FOXP1: variants seen among roughly 807,000 people sequenced by gnomAD.
FOXP1 encodes forkhead box P1, also known as forkhead box protein P1.
In FOXP1, 15 loss-of-function variants were observed where a neutral mutation model predicts 98.2. The observed-to-expected ratio is 0.15, with a 90% CI of 0.10 to 0.24. The LOEUF is 0.24. FOXP1 is among the 10% of genes least tolerant of loss of function. The pLI is 1.00. For synonymous variants in FOXP1, 371 were observed against 314.5 expected (o/e 1.18, Z -1.90); for missense variants, 633 against 848.5 (o/e 0.75, Z 3.15).
intron 3 of FOXP1, among the ~76,000 whole-genome samples, chr3:71,455,786 G>C (rs189947909): frequency 1.3e-5 from 2 of 152,314 alleles, no homozygotes; most frequent in Non-Finnish European, 2.9e-5. Context: ...AGAAAGAAAA[G>C]AGCTATTAGT....
intron 12 of FOXP1, among the ~76,000 whole-genome samples, chr3:71,006,895 A>T (rs567817620): frequency 6.6e-6 from 1 of 152,280 alleles, no homozygotes; most frequent in East Asian, 1.9e-4. Context: ...TGTTTGTTGA[A>T]AAAAAATGCG....
At chr3:71,552,400 C>T (rs2045846798) in intron 2 of FOXP1, among the ~76,000 whole-genome samples, 1 of 151,618 alleles carries the variant, frequency 6.6e-6, no homozygotes, top group Admixed American at 6.6e-5. Flanking sequence ...AGACACATAA[C>T]TACAAAATTT....
At chr3:71,398,784 C>G (rs565917056) in intron 3 of FOXP1, among the ~76,000 whole-genome samples, 2 of 152,134 alleles carry the variant, frequency 1.3e-5, no homozygotes, top group African/African-American at 4.8e-5. Flanking sequence ...ATGGTGGTGA[C>G]AAACAATTGT....
chr3:71,062,372 T>G (rs1255644403), intron 7 of FOXP1, among the ~76,000 whole-genome samples: 1 of 152,174 alleles, frequency 6.6e-6, no homozygotes, highest in Non-Finnish European at 1.5e-5. Flanking sequence ...CCTGGAAAAA[T>G]ATGAGTTAAT....
Position 71,460,229 on chromosome 3 carries a change from C to CTTTG in FOXP1, c.-168+33193_-168+33196dup, listed in dbSNP as rs10555493. On this transcript the variant is annotated intron_variant, in intron 3 of 20. Coordinates refer to ENST00000649528, the MANE Select transcript of FOXP1 (RefSeq NM_001349338.3). ...TTTAGCTGGTCTAGAGGAGTAAAGG[C>CTTTG]TTTGTTTGTTTGTTTGTTTGTTTGT... 1.6e-3 allele frequency among the ~76,000 whole-genome samples: 245 copies of CTTTG among 150,506 alleles called. 1 individual carries two copies. Among genetic ancestry groups the CTTTG allele is most frequent in the Admixed American group, 8.5e-3 (128 of 15,068 alleles).
intron 2 of FOXP1, among the ~76,000 whole-genome samples, chr3:71,527,258 G>A (rs2043464753): frequency 6.6e-6 from 1 of 152,176 alleles, no homozygotes; most frequent in Non-Finnish European, 1.5e-5. Context: ...AGAGCAAGGA[G>A]CAGCAAAGAA....
chr3:71,135,223 C>T (rs2059762929), intron 6 of FOXP1, among the ~76,000 whole-genome samples: 1 of 136,518 alleles, frequency 7.3e-6, no homozygotes, highest in South Asian at 2.3e-4. Flanking sequence ...CGCACCACTG[C>T]ACTTCAGCCC....
chr3:71,569,706 C>A (rs912652827), intron 2 of FOXP1, among the ~76,000 whole-genome samples: 1 of 151,944 alleles, frequency 6.6e-6, no homozygotes, highest in African/African-American at 2.4e-5. Flanking sequence ...TCTACATTCA[C>A]AAGTGTATGT....
At chr3:71,217,754 A>G (rs1057019081) in intron 5 of FOXP1, among the ~76,000 whole-genome samples, 1 of 152,150 alleles carries the variant, frequency 6.6e-6, no homozygotes, top group African/African-American at 2.4e-5. Flanking sequence ...GAAATCTGAT[A>G]GAAGTACTCA....
chr3:71,444,447 C>G (rs181296032), intron 3 of FOXP1, among the ~76,000 whole-genome samples: 2 of 151,448 alleles, frequency 1.3e-5, no homozygotes, highest in Non-Finnish European at 2.9e-5. Context: ...GCATCCTGAA[C>G]AAGCATCACC....
chr3:71,040,521 C>T (rs1245015122), intron 11 of FOXP1: 2 of 152,176 alleles, frequency 1.3e-5, no homozygotes, highest in African/African-American at 2.4e-5. Context: ...CTTCTGGGTA[C>T]TAAGAATACC....
intron 4 of FOXP1, among the ~76,000 whole-genome samples, chr3:71,349,858 C>T (rs573003496): frequency 6.6e-6 from 1 of 152,284 alleles, no homozygotes; most frequent in African/African-American, 2.4e-5. Flanking sequence ...CCTAACCCTT[C>T]AGGAGGTACT....
chr3:71,543,570 C>G (rs1056119086), intron 2 of FOXP1: 1 of 152,344 alleles, frequency 6.6e-6, no homozygotes, highest in Non-Finnish European at 1.5e-5. Flanking sequence ...GTGGTAACAC[C>G]CTCAAGCAGC....
intron 5 of FOXP1, among the ~76,000 whole-genome samples, chr3:71,211,853 T>C (rs1415782551): frequency 3.3e-5 from 5 of 152,200 alleles, no homozygotes; most frequent in African/African-American, 1.2e-4. Flanking sequence ...CATCCACATC[T>C]ACCATATTGT....
chr3:71,391,497 G>A (rs550431058), intron 3 of FOXP1, among the ~76,000 whole-genome samples: 5 of 152,284 alleles, frequency 3.3e-5, no homozygotes, highest in African/African-American at 1.2e-4. Flanking sequence ...TTGTCTGGTC[G>A]CTGGTGAAAA....
chr3:71,088,148 C>CA (rs2055345226), intron 7 of FOXP1, among the ~76,000 whole-genome samples: 1 of 152,160 alleles, frequency 6.6e-6, no homozygotes, highest in Non-Finnish European at 1.5e-5. Flanking sequence ...AAAGAGCAAC[C>CA]AAGCTTGTTT....
chr3:71,316,035 G>T (rs1252104301), intron 4 of FOXP1, among the ~76,000 whole-genome samples: 1 of 152,162 alleles, frequency 6.6e-6, no homozygotes, highest in Non-Finnish European at 1.5e-5. Flanking sequence ...GAAGTGGAGA[G>T]ATCATTTCAT....
At chr3:71,172,101 T>G (rs1331019817) in intron 6 of FOXP1, among the ~76,000 whole-genome samples, 1 of 152,186 alleles carries the variant, frequency 6.6e-6, no homozygotes, top group East Asian at 1.9e-4. Context: ...TAGCCTCCTT[T>G]GCTTAATCAT....
At chr3:71,004,486 T>C (rs985723697) in intron 12 of FOXP1, among the ~76,000 whole-genome samples, 1 of 152,222 alleles carries the variant, frequency 6.6e-6, no homozygotes, top group Admixed American at 6.5e-5. Flanking sequence ...TAAGAATTAT[T>C]AGCTGAATAG....
Sources: gnomAD v4.1 joint callset for allele counts (sites outside exome capture counted in the v4.1 genomes callset) on GRCh38, gnomAD v4.1.1 for gene constraint, MANE v1.5 for transcripts, NCBI Gene and HGNC (gene_info 2026-07-23, HGNC 2026-07-21) for gene names.